The following SETD1B variants were observed in gnomAD, a reference collection of about 807,000 sequenced individuals.
SETD1B encodes the protein histone-lysine N-methyltransferase SETD1B.
In SETD1B, 7 loss-of-function variants were observed where a neutral mutation model predicts 148.0. The observed-to-expected ratio is 0.05, with a 90% CI of 0.03 to 0.09. The LOEUF is 0.09. Among genes scored for constraint, SETD1B ranks in the 10% least tolerant of loss-of-function variants. SETD1B has a pLI of 1.00. For synonymous variants in SETD1B, 1,361 were observed against 1,186.5 expected, an observed-to-expected ratio of 1.15 and a Z score of -3.02; for missense variants, 2,155 against 2,729.9, an observed-to-expected ratio of 0.79 and a Z score of 4.69.
chr12:121,797,090 C>T, the SETD1B span: 1 of 232,914 alleles, frequency 4.3e-6, no homozygotes, highest in African/African-American at 2.3e-5. Context: ...GGGGCAGGAG[C>T]TTGCTGGAAG....
chr12:121,810,177 C>T lies in SETD1B; in HGVS notation c.1232C>T (p.Pro411Leu), dbSNP rs61734124. Residue 411 changes from proline to leucine, a missense_variant, in exon 6 of 17, where the codon CCG (proline) becomes CTG (leucine). Pro to Leu is a moderately conservative substitution (Grantham distance 98). Transcript: ENST00000604567. The surrounding 1 kb of genome is among the most constrained non-coding windows in gnomAD (Gnocchi z 7.6). ...QTPVAHFPPP[P>L]EEPTATAAFG... The stretch of plus-strand genomic sequence containing the variant: ...CCAGTGGCCCACTTCCCTCCACCCC[C>T]GGAAGAGCCCACCGCCACAGCCGCT... 4.6e-4 allele frequency: 706 copies of T among 1,549,826 alleles called. 7 individuals carry two copies. Among genetic ancestry groups the T allele is most frequent in the East Asian group, 1.6e-3 (64 of 40,896 alleles).
At chr12:121,829,310 C>T (rs769206678) in intron 16 of SETD1B, among the ~76,000 whole-genome samples, 2 of 152,132 alleles carry the variant, frequency 1.3e-5, no homozygotes, top group Non-Finnish European at 2.9e-5. Context: ...GGGGCCTGAG[C>T]GTGGCTGGTG....
chr12:121,823,334 C>CCGGGGGG lies in SETD1B; in HGVS notation c.4756_4757insGGGGGGC (p.Leu1586ArgfsTer24). The stretch of plus-strand genomic sequence containing the variant: ...CGGGGATCCCAGCCCCTCCACCACC[C>CCGGGGGG]CTTCCCCCCCAGCCACCCCCACCCC... On this transcript the variant is annotated frameshift_variant, in exon 12 of 17. Coordinates refer to ENST00000604567, the MANE Select transcript of SETD1B (RefSeq NM_001353345.2). LOFTEE classifies it high-confidence loss of function. The CCGGGGGG allele has an allele frequency of 7.0e-7, 1 of 1,435,412 alleles. No homozygotes were observed. Among genetic ancestry groups the CCGGGGGG allele is most frequent in the Non-Finnish European group, 9.5e-7 (1 of 1,052,202 alleles). The allele number at this position is 1,435,412 out of a possible 1,614,324, so 88.9% of individuals were successfully genotyped here.
At chr12:121,797,172 G>T in the SETD1B span, 1 of 345,362 alleles carries the variant, frequency 2.9e-6, no homozygotes, top group South Asian at 2.1e-5. Flanking sequence ...CACAGCCCAG[G>T]CAGAGGCTGT....
Position 121,808,162 on chromosome 12 carries a change from C to T in SETD1B, c.545-46C>T, listed in dbSNP as rs557121473. 8.2e-5 allele frequency: 119 copies of T among 1,453,208 alleles called. 1 individual carries two copies. The South Asian group carries it at 1.4e-3, about 17-fold the overall frequency. The allele number at this position is 1,453,208 out of a possible 1,614,324, so 90.0% of individuals were successfully genotyped here. A position where few individuals can be genotyped will look rare whatever the true frequency, so the allele number is the denominator to read the frequency against. ...GGTTGGAATCCTTGTGGGGGCTGCC[C>T]CATCCTGGAACCTCACTGAGTTCCC... is the stretch of plus-strand genomic sequence containing the variant. On this transcript the variant is annotated intron_variant, in intron 4 of 16. Transcript: ENST00000604567. This position sits in a 1 kb window ranked among gnomAD's most constrained non-coding sequence, Gnocchi z 5.3.
At position 121,808,559 on chromosome 12, in the gene SETD1B, T is replaced by C. The variant is rs150316803; in HGVS notation, c.657+239T>C. ...AGGGCTCCATGGGATTGGTTCTGTTTCCTGTGGCTTCTCCCCTCCCCAGCA... is the reference window on the plus strand; with the variant it reads ...AGGGCTCCATGGGATTGGTTCTGTTCCCTGTGGCTTCTCCCCTCCCCAGCA... On this transcript the variant is annotated intron_variant, in intron 5 of 16. Transcript: ENST00000604567. This position sits in a 1 kb window ranked among gnomAD's most constrained non-coding sequence, Gnocchi z 5.3. Among the ~76,000 whole-genome samples, 193 of 152,346 alleles carry C rather than the reference T, an allele frequency of 1.3e-3. 3 individuals are homozygous for C. The East Asian group carries it at 0.033, about 26-fold the overall frequency.
At chr12:121,821,335 G>T (rs1180584524) in intron 11 of SETD1B, among the ~76,000 whole-genome samples, 1 of 152,068 alleles carries the variant, frequency 6.6e-6, no homozygotes, top group African/African-American at 2.4e-5. Flanking sequence ...TACTTGGGAG[G>T]CTGAGGCAGG....
At chr12:121,820,049 G>A (rs1450659064) in intron 11 of SETD1B, among the ~76,000 whole-genome samples, 154 bp downstream of exon 11, 1 of 152,234 alleles carries the variant, frequency 6.6e-6, no homozygotes, top group Non-Finnish European at 1.5e-5. Flanking sequence ...TCCCTCGAGC[G>A]AGATGAGGTG....
chr12:121,797,346 A>T, the SETD1B span: 1 of 427,976 alleles, frequency 2.3e-6, no homozygotes, highest in Non-Finnish European at 4.7e-6. Flanking sequence ...CCTGGGGCCC[A>T]GCGCCAGCAG....
chr12:121,818,966 C>T (rs1004409200), intron 10 of SETD1B, among the ~76,000 whole-genome samples: 2 of 150,720 alleles, frequency 1.3e-5, no homozygotes, highest in Admixed American at 1.3e-4. Flanking sequence ...TACTAGCGGC[C>T]GGGTGTGGTG....
At position 121,810,328 on chromosome 12, in the gene SETD1B, C is replaced by T. The variant is rs1437243219; in HGVS notation, c.1383C>T (p.Ser461=). Residue 461 remains serine, a synonymous_variant, in exon 6 of 17, where the codon AGC becomes AGT. Transcript: ENST00000604567. This position sits in a 1 kb window ranked among gnomAD's most constrained non-coding sequence, Gnocchi z 7.6. ...GCCCGCCGCCCCCCGACACCAACAG[C>T]ATGGAGCTGGGCGGCCGGCCCACCT... is the stretch of plus-strand genomic sequence containing the variant. ...PPGPPPPDTN[S]MELGGRPTFG... 1 of 1,545,370 alleles carries T rather than the reference C, an allele frequency of 6.5e-7. No homozygotes were observed. Among genetic ancestry groups the T allele is most frequent in the Non-Finnish European group, 8.7e-7 (1 of 1,146,632 alleles).
At chr12:121,806,575 G>C (rs989683528) in intron 4 of SETD1B, among the ~76,000 whole-genome samples, 1 of 152,182 alleles carries the variant, frequency 6.6e-6, no homozygotes, top group Non-Finnish European at 1.5e-5. Flanking sequence ...CCACCTCCTT[G>C]CTGCCCCTTC....
chr12:121,822,429 A>G, intron 11 of SETD1B, 61 bp from the exon 12 acceptor site: 1 of 1,473,160 alleles, frequency 6.8e-7, no homozygotes, highest in Middle Eastern at 1.8e-4. Context: ...GCACAAAATA[A>G]GGCACTGAGA....
In SETD1B at chr12:121,815,398, G is replaced by GCC. The variant is rs11378677; in HGVS notation, c.2715+475_2715+476dup. On this transcript the variant is annotated intron_variant, in intron 7 of 16. Coordinates refer to ENST00000604567, the MANE Select transcript of SETD1B (RefSeq NM_001353345.2). ...GTACACAGGATAGCTGGTGCAGACT[G>GCC]CCCCCCCCGCCCATTGCAGACAGCT... Among the ~76,000 whole-genome samples, 792 of 151,182 alleles carry GCC rather than the reference G, an allele frequency of 5.2e-3. 14 individuals carry two copies. The East Asian group carries it at 0.063, about 12-fold the overall frequency.
At chr12:121,819,949 C>T in intron 11 of SETD1B, 54 bp downstream of exon 11, 2 of 1,437,956 alleles carry the variant, frequency 1.4e-6, no homozygotes, top group Non-Finnish European at 1.9e-6. Flanking sequence ...GAAGTCCTCA[C>T]TGTCAGAATC....
In SETD1B at chr12:121,814,789, A is replaced by G; in HGVS notation, c.2574A>G (p.Lys858=). 1 of 1,551,558 alleles carries G rather than the reference A, an allele frequency of 6.4e-7. No homozygotes were observed. Residue 858 remains lysine (K), a synonymous_variant, in exon 7 of 17, where the codon AAA becomes AAG. Coordinates refer to ENST00000604567, the MANE Select transcript of SETD1B (RefSeq NM_001353345.2). The part of the protein sequence containing the change: ...GYMPRQEDPH[K]ATVDGVLLVV... ...TGCCACGCCAGGAGGACCCACACAA[A>G]GCCACGGTGGATGGCGTCCTGCTGG...
intron 6 of SETD1B, 57 bp from the exon 7 acceptor site, chr12:121,814,049 C>T (rs551288840): frequency 2.1e-5 from 29 of 1,413,212 alleles, no homozygotes; most frequent in South Asian, 5.2e-5. Context: ...GAGGGGACTC[C>T]GAGAGCCCCT....
Position 121,822,833 on chromosome 12 carries a change from C to T in SETD1B, c.4254C>T (p.Ser1418=), listed in dbSNP as rs923955916. 6.0e-6 allele frequency: 9 copies of T among 1,491,220 alleles called. 1 individual carries two copies. In the Admixed American group the frequency reaches 1.9e-4, roughly 31 times the overall value. The allele number at this position is 1,491,220 out of a possible 1,614,324, so 92.4% of individuals were successfully genotyped here. A position where few individuals can be genotyped will look rare whatever the true frequency, so the allele number is the denominator to read the frequency against. ...ACCCAGCCCCGTCCCCTAGCTTGAG[C>T]AGTGGGGGCCTCCCTCGGACACCTG... ...FSYPAPSPSL[S]SGGLPRTPGR... Residue 1418 remains serine, a synonymous_variant, in exon 12 of 17, where the codon AGC becomes AGT. Coordinates refer to ENST00000604567, the MANE Select transcript of SETD1B (RefSeq NM_001353345.2).
At position 121,809,660 on chromosome 12, in the gene SETD1B, G is replaced by A. The variant is rs1348863026; in HGVS notation, c.715G>A (p.Gly239Ser). 31 of 1,551,422 alleles carry A rather than the reference G, an allele frequency of 2.0e-5. No individual in the cohort carries two copies. Among genetic ancestry groups the A allele is most frequent in the Non-Finnish European group, 2.4e-5 (28 of 1,146,966 alleles). ...DGGLSAGCGS[G>S]SSSVTPNSGG... Reference sequence around the variant, plus strand: ...AGGCCTGTCTGCAGGCTGTGGCTCCGGCTCCTCCTCTGTCACCCCCAATAG... The same window carrying A: ...AGGCCTGTCTGCAGGCTGTGGCTCCAGCTCCTCCTCTGTCACCCCCAATAG... Residue 239 changes from glycine (G) to serine (S), a missense_variant, in exon 6 of 17, where the codon GGC (glycine) becomes AGC (serine). Transcript: ENST00000604567.
Sources: gnomAD v4.1 joint callset for allele counts (sites outside exome capture counted in the v4.1 genomes callset) on GRCh38, gnomAD v4.1.1 for gene constraint, Gnocchi (gnomAD v3.1) non-coding constraint, MANE v1.5 for transcripts, NCBI Gene and HGNC (gene_info 2026-07-23, HGNC 2026-07-21) for gene names.